The following GLMN variants were observed in gnomAD, a reference collection of about 807,000 sequenced individuals.
GLMN encodes glomulin.
In GLMN, 75 loss-of-function variants were observed where a neutral mutation model predicts 87.8. The observed-to-expected ratio is 0.85, with a 90% CI of 0.71 to 1.04. The LOEUF is 1.04. Among genes scored for constraint, GLMN ranks in the 50% least tolerant of loss-of-function variants. The pLI, the probability that GLMN is intolerant of heterozygous loss-of-function variation, is 0.00. For synonymous variants in GLMN, 206 were observed against 221.6 expected (o/e 0.93, Z 0.63); for missense variants, 588 against 658.8 (o/e 0.89, Z 1.18).
chr1:92,302,653 GTGCAGTGGCGGGATCTCT>G (rs986914647), upstream of GLMN, among the ~76,000 whole-genome samples: 2 of 136,194 alleles, frequency 1.5e-5, no homozygotes, highest in African/African-American at 2.8e-5. Context: ...CCAGGCTGGA[GTGCAGTGGCGGGATCTCT>G]GCTCACTGCA....
chr1:92,306,726 C>CTA, the GLMN span, among the ~76,000 whole-genome samples: 443 of 152,084 alleles, frequency 2.9e-3, 3 homozygotes, highest in Admixed American at 4.7e-3. Flanking sequence ...GTAGTCCAAG[C>CTA]TACTCAGGAG....
At chr1:92,251,849 G>C (rs144030543) in intron 16 of GLMN, among the ~76,000 whole-genome samples, 371 of 150,570 alleles carry the variant, frequency 2.5e-3, no homozygotes, top group African/African-American at 8.6e-3. Context: ...AGGCTGGAGT[G>C]CAGAGGCATG....
upstream of GLMN, among the ~76,000 whole-genome samples, chr1:92,301,204 C>T (rs565868275): frequency 1.3e-5 from 2 of 152,254 alleles, no homozygotes; most frequent in South Asian, 2.1e-4. Context: ...AGAAATTTGG[C>T]CGGATGTGGT....
At chr1:92,298,108 T>C in intron 1 of GLMN, 79 bp from the exon 2 acceptor site, 1 of 720,240 alleles carries the variant, frequency 1.4e-6, no homozygotes, top group East Asian at 2.6e-5. Flanking sequence ...GTGTGATAAA[T>C]TATTAGTAAA....
the GLMN span, among the ~76,000 whole-genome samples, chr1:92,334,862 C>T: frequency 2.4e-4 from 36 of 152,218 alleles, no homozygotes; most frequent in African/African-American, 8.4e-4. Context: ...GTGGCGGATG[C>T]CTGTAGTCCC....
chr1:92,343,926 G>A, the GLMN span, among the ~76,000 whole-genome samples: 2 of 152,180 alleles, frequency 1.3e-5, no homozygotes, highest in African/African-American at 2.4e-5. Context: ...TCAGATGGAC[G>A]GAATAGCTGA....
At chr1:92,314,847 C>T in the GLMN span, among the ~76,000 whole-genome samples, 2 of 151,920 alleles carry the variant, frequency 1.3e-5, no homozygotes, top group African/African-American at 4.8e-5. Context: ...GAGTTTGAGA[C>T]CAGCCTGGCC....
At chr1:92,368,402 C>T in the GLMN span, among the ~76,000 whole-genome samples, 272 of 152,102 alleles carry the variant, frequency 1.8e-3, 3 homozygotes, top group African/African-American at 6.0e-3. Flanking sequence ...AATCCAAGTT[C>T]GTTACTGACT....
At position 92,280,284 on chromosome 1, in the gene GLMN, A is replaced by C. The variant is rs145886353; in HGVS notation, c.735+6206T>G. 6.0e-3 allele frequency among the ~76,000 whole-genome samples: 909 copies of C among 152,232 alleles called. 8 individuals carry two copies. Among genetic ancestry groups the C allele is most frequent in the African/African-American group, 0.019 (801 of 41,542 alleles). ...TCCAGAGGAAGGATCAGGCAGCAAT[A>C]TTTGCTCTTCTGCAGCCTCCACTGG... is the stretch of plus-strand genomic sequence containing the variant. On this transcript the variant is annotated intron_variant, in intron 7 of 18. Transcript: ENST00000370360.
At chr1:92,313,087 G>A in the GLMN span, among the ~76,000 whole-genome samples, 3 of 152,108 alleles carry the variant, frequency 2.0e-5, no homozygotes, top group Non-Finnish European at 4.4e-5. Flanking sequence ...GGCTGGTCTC[G>A]AACTCCTGGC....
the GLMN span, among the ~76,000 whole-genome samples, chr1:92,305,763 C>T: frequency 6.6e-6 from 1 of 151,958 alleles, no homozygotes; most frequent in Admixed American, 6.6e-5. Flanking sequence ...AGAGAAATAG[C>T]AAATAAAAAC....
chr1:92,246,948 A>G, intron 18 of GLMN, 114 bp downstream of exon 18: 4 of 755,052 alleles, frequency 5.3e-6, no homozygotes, highest in South Asian at 1.4e-5. Context: ...ACTTGAGCCC[A>G]GGGAGTTGAA....
chr1:92,322,485 A>G, the GLMN span, among the ~76,000 whole-genome samples: 5 of 151,768 alleles, frequency 3.3e-5, no homozygotes, highest in African/African-American at 1.2e-4. Flanking sequence ...CAGAGGTTGC[A>G]GTGAACCGAG....
the GLMN span, among the ~76,000 whole-genome samples, chr1:92,334,161 T>C: frequency 6.6e-6 from 1 of 152,186 alleles, no homozygotes; most frequent in African/African-American, 2.4e-5. Context: ...GTTGTGAATA[T>C]GAAGTTTTAT....
Position 92,263,745 on chromosome 1 carries a change from C to T in GLMN, c.1300-13G>A, listed in dbSNP as rs746566671. On this transcript the variant is annotated splice_polypyrimidine_tract_variant and intron_variant, in intron 14 of 18. Transcript: ENST00000370360. ...TGTTACGTGTTCTCTGAAAAGCAAA[C>T]GAAAAATTGAGAAAGCTTTATAATT... is the stretch of plus-strand genomic sequence containing the variant. The T allele has an allele frequency of 8.8e-5, 112 of 1,271,364 alleles. No homozygotes were observed. Among genetic ancestry groups the T allele is most frequent in the Non-Finnish European group, 1.2e-4 (105 of 866,780 alleles). 78.8% of individuals were successfully genotyped at this position (1,271,364 alleles called of 1,614,324 possible). A position where few individuals can be genotyped will look rare whatever the true frequency, so the allele number is the denominator to read the frequency against.
chr1:92,274,142 C>T (rs1487539), intron 7 of GLMN, among the ~76,000 whole-genome samples: 131,377 of 152,190 alleles, frequency 0.86, 57,138 homozygotes, highest in East Asian at 1. Flanking sequence ...TAGACTGCTA[C>T]GTGCATCCTT....
intron 8 of GLMN, among the ~76,000 whole-genome samples, chr1:92,271,114 T>C (rs1205728160): frequency 3.3e-5 from 5 of 152,192 alleles, no homozygotes; most frequent in Non-Finnish European, 4.4e-5. Flanking sequence ...AAAGTAGATA[T>C]ATAAATCCAC....
At chr1:92,306,463 A>G in the GLMN span, among the ~76,000 whole-genome samples, 2 of 152,240 alleles carry the variant, frequency 1.3e-5, no homozygotes, top group Non-Finnish European at 2.9e-5. Flanking sequence ...AAACAACTCA[A>G]TTGTCTATAA....
chr1:92,336,519 T>A, the GLMN span: 1 of 799,158 alleles, frequency 1.3e-6, no homozygotes, highest in Non-Finnish European at 2.1e-6. Flanking sequence ...GTAAGTGACT[T>A]ACCTTTCAAT....
Sources: gnomAD v4.1 joint callset for allele counts (sites outside exome capture counted in the v4.1 genomes callset) on GRCh38, gnomAD v4.1.1 for gene constraint, MANE v1.5 for transcripts, NCBI Gene and HGNC (gene_info 2026-07-23, HGNC 2026-07-21) for gene names.